PLEKHG1: variants seen among roughly 807,000 people sequenced by gnomAD.
The protein encoded by PLEKHG1 is pleckstrin homology domain-containing family G member 1.
Under a neutral mutation model 100.8 loss-of-function variants are expected in PLEKHG1, and 44 were observed. The ratio of observed to expected loss-of-function variants is 0.44; its 90% CI spans 0.34 to 0.56. The LOEUF (loss-of-function observed/expected upper bound fraction) is 0.56, where lower values mean the gene tolerates loss of function less well. Among genes scored for constraint, PLEKHG1 ranks in the 20% least tolerant of loss-of-function variants. PLEKHG1 has a pLI of 0.01. For missense variants in PLEKHG1, 1,545 were observed against 1,720.9 expected (o/e 0.90, Z 1.81); for synonymous variants, 640 against 662.5 (o/e 0.97, Z 0.52).
chr6:150,830,779 A>G (rs1002531812), exon 15 of PLEKHG1: 25 of 1,614,000 alleles, frequency 1.5e-5, no homozygotes, highest in Non-Finnish European at 1.9e-5. Context: ...AGGATGATGA[A>G]GATGATTATC....
At chr6:150,611,585 G>A in intron 1 of PLEKHG1, among the ~76,000 whole-genome samples, 1 of 152,166 alleles carries the variant, frequency 6.6e-6, no homozygotes. Context: ...GCCGAGGCAG[G>A]TGGATCACCT....
intron 1 of PLEKHG1, among the ~76,000 whole-genome samples, chr6:150,731,541 T>C (rs1474310684): frequency 6.6e-6 from 1 of 152,260 alleles, no homozygotes; most frequent in Non-Finnish European, 1.5e-5. Flanking sequence ...ACCAACTGTT[T>C]AGTGATCTTT....
intron 3 of PLEKHG1, among the ~76,000 whole-genome samples, chr6:150,678,683 G>A (rs1489507789): frequency 6.6e-6 from 1 of 152,204 alleles, no homozygotes; most frequent in Non-Finnish European, 1.5e-5. Context: ...CCAATCTAAT[G>A]TAGAGTTCTA....
At chr6:150,750,575 T>C (rs932651743) in intron 2 of PLEKHG1, among the ~76,000 whole-genome samples, 9 of 151,296 alleles carry the variant, frequency 5.9e-5, no homozygotes, top group Admixed American at 2.0e-4. Context: ...GGTCAGGAGA[T>C]CGAGACCATC....
chr6:150,652,337 G>A (rs1479418310), intron 3 of PLEKHG1, among the ~76,000 whole-genome samples: 1 of 152,176 alleles, frequency 6.6e-6, no homozygotes, highest in Non-Finnish European at 1.5e-5. Context: ...CCACGCTTAT[G>A]CTTATACGTC....
At chr6:150,744,953 G>C (rs191420442) in intron 2 of PLEKHG1, among the ~76,000 whole-genome samples, 1 of 152,278 alleles carries the variant, frequency 6.6e-6, no homozygotes, top group Admixed American at 6.5e-5. Context: ...AAATGTCTAA[G>C]ACCCAAGAAG....
At chr6:150,715,665 T>G (rs923196979) in intron 3 of PLEKHG1, among the ~76,000 whole-genome samples, 3 of 150,806 alleles carry the variant, frequency 2.0e-5, no homozygotes, top group African/African-American at 7.3e-5. Context: ...TTGTTTTGTA[T>G]TTTTAGGAGA....
intron 3 of PLEKHG1, among the ~76,000 whole-genome samples, chr6:150,693,834 C>T (rs533342976): frequency 6.6e-6 from 1 of 152,302 alleles, no homozygotes; most frequent in African/African-American, 2.4e-5. Context: ...CATGAGTGGC[C>T]CAGGTCAGGA....
intron 3 of PLEKHG1, among the ~76,000 whole-genome samples, chr6:150,702,055 C>A (rs56339479): frequency 0.15 from 22,813 of 152,156 alleles, 1,868 homozygotes; most frequent in Non-Finnish European, 0.18. Flanking sequence ...CATAATTCAC[C>A]CTTTAGTATC....
intron 1 of PLEKHG1, among the ~76,000 whole-genome samples, chr6:150,613,251 C>T (rs186105751): frequency 5.0e-4 from 76 of 152,350 alleles, no homozygotes; most frequent in Admixed American, 3.1e-3. Flanking sequence ...GTCCCCTTAT[C>T]AAAGAAGTCC....
At chr6:150,748,615 C>CTTT (rs746682669) in intron 2 of PLEKHG1, among the ~76,000 whole-genome samples, 140 of 118,170 alleles carry the variant, frequency 1.2e-3, no homozygotes, top group Middle Eastern at 4.8e-3. Flanking sequence ...TACCTTTGAC[C>CTTT]TTTTTTTTTT....
chr6:150,678,663 A>T (rs940218955), intron 3 of PLEKHG1, among the ~76,000 whole-genome samples: 1 of 152,228 alleles, frequency 6.6e-6, no homozygotes, highest in Non-Finnish European at 1.5e-5. Flanking sequence ...CTCTGGCTTA[A>T]GGTTCTGCAC....
intron 3 of PLEKHG1, among the ~76,000 whole-genome samples, chr6:150,691,609 C>T (rs1780351797): frequency 1.3e-5 from 2 of 152,182 alleles, no homozygotes; most frequent in Admixed American, 1.3e-4. Context: ...TTCTTAATGA[C>T]AGCCTATAAT....
chr6:150,609,256 G>A (rs1324531248), intron 1 of PLEKHG1, among the ~76,000 whole-genome samples: 3 of 152,178 alleles, frequency 2.0e-5, no homozygotes, highest in Non-Finnish European at 4.4e-5. Flanking sequence ...AGAATGAAGA[G>A]GAAACCCTAC....
chr6:150,668,899 T>A (rs921124143), intron 3 of PLEKHG1, among the ~76,000 whole-genome samples: 1 of 152,200 alleles, frequency 6.6e-6, no homozygotes, highest in African/African-American at 2.4e-5. Flanking sequence ...TGACCTTAAA[T>A]ATAAATAAAA....
chr6:150,632,691 T>C (rs1777814372), intron 1 of PLEKHG1, among the ~76,000 whole-genome samples: 1 of 152,228 alleles, frequency 6.6e-6, no homozygotes, highest in African/African-American at 2.4e-5. Context: ...CATCTATTCT[T>C]ACATGGGCAG....
chr6:150,812,010 C>T (rs1201566470), intron 10 of PLEKHG1, among the ~76,000 whole-genome samples: 1 of 152,090 alleles, frequency 6.6e-6, no homozygotes, highest in East Asian at 1.9e-4. Flanking sequence ...GGAACAAATG[C>T]AGAAAGTGCC....
chr6:150,628,575 C>CACACACACACACACAT (rs754227842), intron 1 of PLEKHG1, among the ~76,000 whole-genome samples: 1,785 of 137,354 alleles, frequency 0.013, 104 homozygotes, highest in East Asian at 0.016. Flanking sequence ...CACACACACA[C>CACACACACACACACAT]ACCCCGTCCT....
chr6:150,615,704 G>C (rs1008685650), intron 1 of PLEKHG1, among the ~76,000 whole-genome samples: 13 of 152,196 alleles, frequency 8.5e-5, no homozygotes, highest in Admixed American at 3.3e-4. Context: ...ATTCTACCGA[G>C]GAATAAGCAG....
Sources: allele counts gnomAD v4.1 joint callset (sites outside exome capture counted in the v4.1 genomes callset), GRCh38; gene constraint gnomAD v4.1.1; transcripts MANE v1.5; gene names NCBI Gene and HGNC (gene_info 2026-07-23, HGNC 2026-07-21).